LTB4R2: variants seen among roughly 807,000 people sequenced by gnomAD.
The protein encoded by LTB4R2 is LTB4 receptor JULF2.
Under a neutral mutation model 5.3 loss-of-function variants are expected in LTB4R2, and 6 were observed. The ratio of observed to expected loss-of-function variants is 1.14; its 90% CI spans 0.62 to 2.24. LTB4R2 has a LOEUF of 2.24. Ranked by LOEUF, LTB4R2 falls within the 30% of genes most tolerant of loss-of-function variation. The pLI is 0.00. For missense variants in LTB4R2, 560 were observed against 521.5 expected (o/e 1.07, Z -0.72); for synonymous variants, 310 against 264.2 (o/e 1.17, Z -1.68).
chr14:24,310,885 T>A lies in LTB4R2; in HGVS notation c.221T>A (p.Leu74His), dbSNP rs1227308602. 6.3e-7 allele frequency: 1 copy of A among 1,592,614 alleles called. No individual in the cohort carries two copies. Among genetic ancestry groups the A allele is most frequent in the Non-Finnish European group, 8.5e-7 (1 of 1,176,544 alleles). Residue 74 changes from leucine (L) to histidine (H), a missense_variant, in exon 2 of 2, where the codon CTC (leucine) becomes CAC (histidine). Leu to His is a moderately conservative substitution (Grantham distance 99). Coordinates refer to ENST00000533293, the MANE Select transcript of LTB4R2 (RefSeq NM_019839.5). ...LALADGAVLL[L>H]TPLFVAFLTR... ...CTGGCCGACGGCGCGGTGCTGCTGC[T>A]CACGCCGCTCTTTGTGGCCTTCCTG...
rs766951406 is a variant in LTB4R2, at chr14:24,311,466, G to A, written c.802G>A (p.Ala268Thr). The change falls in exon 2 of 2, where the codon GCG (alanine) becomes ACG (threonine). Residue 268 changes from alanine (A) to threonine (T), a missense_variant. Coordinates refer to ENST00000533293, the MANE Select transcript of LTB4R2 (RefSeq NM_019839.5). Reference protein sequence around the residue: ...ALAKLGGAGQAARAGTTALAF... With the variant: ...ALAKLGGAGQTARAGTTALAF... The stretch of plus-strand genomic sequence containing the variant: ...GGCGAAGCTGGGCGGAGCCGGCCAG[G>A]CGGCGCGAGCGGGAACTACGGCCTT... 2.2e-5 allele frequency: 35 copies of A among 1,601,118 alleles called. No homozygotes were observed. The Middle Eastern group carries it at 4.9e-4, about 23-fold the overall frequency.
Position 24,311,680 on chromosome 14 carries a change from G to GCCGCGGCAATGGAGAC in LTB4R2, c.1020_1035dup (p.Gly346ArgfsTer75). The GCCGCGGCAATGGAGAC allele has an allele frequency of 6.2e-7, 1 of 1,610,718 alleles. No individual in the cohort carries two copies. The highest frequency in any genetic ancestry group is 2.2e-5 in the East Asian group (1 of 44,814). ...CCTCAGCTGAAAGTGGTGGGGCAGG[G>GCCGCGGCAATGGAGAC]CCGCGGCAATGGAGACCCGGGGGGT... On this transcript the variant is annotated frameshift_variant, in exon 2 of 2. Transcript: ENST00000533293. LOFTEE classifies it high-confidence loss of function.
intron 1 of LTB4R2, 151 bp downstream of exon 1, chr14:24,310,406 C>T (rs2041651919): frequency 3.1e-6 from 2 of 640,072 alleles, no homozygotes; most frequent in Non-Finnish European, 5.6e-6. Context: ...TGCCTGTTTA[C>T]CACTGAGCTC....
rs1429914287 is a variant in LTB4R2 at position 24,311,696 on chromosome 14, C to T, written c.1032C>T (p.Asp344=). The part of the protein sequence containing the change: ...KVVGQGRGNG[D]PGGGMEKDGP... ...TGGGGCAGGGCCGCGGCAATGGAGA[C>T]CCGGGGGGTGGGATGGAGAAGGACG... The change falls in exon 2 of 2, where the codon GAC becomes GAT. Residue 344 remains aspartate, a synonymous_variant. Coordinates refer to ENST00000533293, the MANE Select transcript of LTB4R2 (RefSeq NM_019839.5). The T allele has an allele frequency of 6.2e-7, 1 of 1,606,652 alleles. No individual in the cohort carries two copies. Among genetic ancestry groups the T allele is most frequent in the Non-Finnish European group, 8.5e-7 (1 of 1,175,192 alleles).
Position 24,311,619 on chromosome 14 carries a change from C to T in LTB4R2, c.955C>T (p.Arg319Cys), listed in dbSNP as rs1328785575. The T allele has an allele frequency of 6.2e-7, 1 of 1,613,140 alleles. No homozygotes were observed. ...EGSGEARGGG[R>C]SREGTMELRT... ...CTCTGGGGAGGCCCGAGGGGGCGGC[C>T]GCTCTAGGGAAGGGACCATGGAGCT... The change falls in exon 2 of 2, where the codon CGC (arginine) becomes TGC (cysteine). Residue 319 changes from arginine (R) to cysteine (C), a missense_variant. Transcript: ENST00000533293.
chr14:24,311,788 C>G lies in LTB4R2; in HGVS notation c.*47C>G, dbSNP rs773417273. 2 of 1,464,828 alleles carry G rather than the reference C, an allele frequency of 1.4e-6. No individual in the cohort carries two copies. Among genetic ancestry groups the G allele is most frequent in the African/African-American group, 2.8e-5 (2 of 70,652 alleles). The allele number at this position is 1,464,828 out of a possible 1,614,324, so 90.7% of individuals were successfully genotyped here. ...GCCCTTCCCTGTCCCTTTCCACCCCCCACCCACCCTCCAGAGGTCAGTGTT... is the reference window on the plus strand; with the variant it reads ...GCCCTTCCCTGTCCCTTTCCACCCCGCACCCACCCTCCAGAGGTCAGTGTT... On this transcript the variant is annotated 3_prime_UTR_variant, in exon 2 of 2. Coordinates refer to ENST00000533293, the MANE Select transcript of LTB4R2 (RefSeq NM_019839.5).
At position 24,310,941 on chromosome 14, in the gene LTB4R2, G is replaced by T. The variant is rs761065714; in HGVS notation, c.277G>T (p.Gly93Cys). The T allele has an allele frequency of 6.3e-7, 1 of 1,591,550 alleles. No individual in the cohort carries two copies. The highest frequency in any genetic ancestry group is 1.7e-5 in the Admixed American group (1 of 58,730). Residue 93 changes from glycine to cysteine, a missense_variant, in exon 2 of 2, where the codon GGC becomes TGC. Transcript: ENST00000533293. ...GCAGGCCTGGCCGCTGGGCCAGGCGGGCTGCAAGGCGGTGTACTACGTGTG... is the reference window on the plus strand; with the variant it reads ...GCAGGCCTGGCCGCTGGGCCAGGCGTGCTGCAAGGCGGTGTACTACGTGTG... Reference protein sequence around the residue: ...TRQAWPLGQAGCKAVYYVCAL... With the variant: ...TRQAWPLGQACCKAVYYVCAL...
In LTB4R2 at chr14:24,310,895, C is replaced by T; in HGVS notation, c.231C>T (p.Leu77=). 6.3e-7 allele frequency: 1 copy of T among 1,593,132 alleles called. No individual in the cohort carries two copies. Among genetic ancestry groups the T allele is most frequent in the Non-Finnish European group, 8.5e-7 (1 of 1,176,906 alleles). The change falls in exon 2 of 2, where the codon CTC becomes CTT. Residue 77 remains leucine (L), a synonymous_variant. Transcript: ENST00000533293. ...ADGAVLLLTP[L]FVAFLTRQAW... ...GCGCGGTGCTGCTGCTCACGCCGCT[C>T]TTTGTGGCCTTCCTGACCCGGCAGG...
chr14:24,310,370 A>G, intron 1 of LTB4R2, 115 bp downstream of exon 1: 2 of 609,322 alleles, frequency 3.3e-6, no homozygotes, highest in Non-Finnish European at 5.8e-6. Flanking sequence ...TGGTAGAGAT[A>G]GTGACAGCCT....
At position 24,311,133 on chromosome 14, in the gene LTB4R2, G is replaced by T; in HGVS notation, c.469G>T (p.Ala157Ser). 1 of 1,586,890 alleles carries T rather than the reference G, an allele frequency of 6.3e-7. No individual in the cohort carries two copies. The change falls in exon 2 of 2, where the codon GCC (alanine) becomes TCC (serine). Residue 157 changes from alanine to serine, a missense_variant. Ala to Ser is a moderately conservative substitution (Grantham distance 99, BLOSUM62 1). Transcript: ENST00000533293. ...CGCCCTGTTGCTCGCCGTCCCGGCCGCCGTCTACCGCCACCTGTGGAGGGA... is the reference window on the plus strand; with the variant it reads ...CGCCCTGTTGCTCGCCGTCCCGGCCTCCGTCTACCGCCACCTGTGGAGGGA... ...LAALLLAVPAAVYRHLWRDRV... is the reference protein window; with the variant it reads ...LAALLLAVPASVYRHLWRDRV...
rs2041686681 is a variant in LTB4R2 at position 24,311,126 on chromosome 14, C to T, written c.462C>T (p.Val154=). The T allele has an allele frequency of 1.9e-6, 3 of 1,583,390 alleles. No homozygotes were observed. Among genetic ancestry groups the T allele is most frequent in the Non-Finnish European group, 1.7e-6 (2 of 1,170,482 alleles). Residue 154 remains valine (V), a synonymous_variant, in exon 2 of 2, where the codon GTC becomes GTT. Transcript: ENST00000533293. ...AVWLAALLLA[V]PAAVYRHLWR... ...GGCTGGCCGCCCTGTTGCTCGCCGT[C>T]CCGGCCGCCGTCTACCGCCACCTGT...
rs1350970373 is a variant in LTB4R2 at position 24,311,520 on chromosome 14, G to C, written c.856G>C (p.Val286Leu). 1 of 1,603,548 alleles carries C rather than the reference G, an allele frequency of 6.2e-7. No homozygotes were observed. The highest frequency in any genetic ancestry group is 8.5e-7 in the Non-Finnish European group (1 of 1,179,990). The change falls in exon 2 of 2, where the codon GTG (valine) becomes CTG (leucine). Residue 286 changes from valine to leucine, a missense_variant. By Grantham distance (32) the Val-to-Leu change is conservative. Transcript: ENST00000533293. ...LAFFSSSVNP[V>L]LYVFTAGDLL... ...CTTCTTCAGTTCTAGCGTCAACCCGGTGCTCTACGTCTTCACCGCTGGAGA... is the reference window on the plus strand; with the variant it reads ...CTTCTTCAGTTCTAGCGTCAACCCGCTGCTCTACGTCTTCACCGCTGGAGA...
Position 24,311,004 on chromosome 14 carries a change from C to G in LTB4R2, c.340C>G (p.Leu114Val). Residue 114 changes from leucine (L) to valine (V), a missense_variant, in exon 2 of 2, where the codon CTG becomes GTG. Leu to Val is a conservative substitution (Grantham distance 32). Coordinates refer to ENST00000533293, the MANE Select transcript of LTB4R2 (RefSeq NM_019839.5). Reference sequence around the variant, plus strand: ...GTACGCCAGCGTGCTGCTCACCGGCCTGCTCAGCCTGCAGCGCTGCCTCGC... The same window carrying G: ...GTACGCCAGCGTGCTGCTCACCGGCGTGCTCAGCCTGCAGCGCTGCCTCGC... ...SMYASVLLTG[L>V]LSLQRCLAVT... is the part of the protein sequence containing the mutation. 1 of 1,586,918 alleles carries G rather than the reference C, an allele frequency of 6.3e-7. No individual in the cohort carries two copies. The highest frequency in any genetic ancestry group is 2.3e-5 in the East Asian group (1 of 43,174).
rs746986608 is a variant in LTB4R2 at position 24,310,831 on chromosome 14, T to C, written c.167T>C (p.Leu56Pro). ...TGGCGGCCTGCACGGGGGCGACCGC[T>C]GGCGGCCACGCTTGTGCTGCACCTG... is the stretch of plus-strand genomic sequence containing the variant. ...AGWRPARGRP[L>P]AATLVLHLAL... The change falls in exon 2 of 2, where the codon CTG becomes CCG. Residue 56 changes from leucine (L) to proline (P), a missense_variant. Transcript: ENST00000533293. The C allele has an allele frequency of 2.8e-5, 45 of 1,595,992 alleles. 1 individual carries two copies. The African/African-American group carries it at 4.0e-4, about 14-fold the overall frequency.
At position 24,311,877 on chromosome 14, in the gene LTB4R2, ACTTGGGGCAGGCC is replaced by A. The variant is rs2041715775; in HGVS notation, c.*138_*150del. The A allele has an allele frequency of 2.5e-6, 2 of 812,496 alleles. No individual in the cohort carries two copies. Among genetic ancestry groups the A allele is most frequent in the African/African-American group, 3.5e-5 (2 of 57,472 alleles). The allele number at this position is 812,496 out of a possible 1,614,324, so 50.3% of individuals were successfully genotyped here. ...ATCTGGCTGGGTAGGATTACTATAC[ACTTGGGGCAGGCC>A]CAGGCTCCTCCAAACTGAGGGATTA... On this transcript the variant is annotated 3_prime_UTR_variant, in exon 2 of 2. Transcript: ENST00000533293.
chr14:24,310,365 G>A (rs1428123700), intron 1 of LTB4R2, 110 bp downstream of exon 1: 2 of 609,016 alleles, frequency 3.3e-6, no homozygotes, highest in East Asian at 5.5e-5. Flanking sequence ...AGTGGTGGTA[G>A]AGATAGTGAC....
chr14:24,310,686 C>T lies in LTB4R2; in HGVS notation c.22C>T (p.Pro8Ser). 6.2e-7 allele frequency: 1 copy of T among 1,613,976 alleles called. No homozygotes were observed. The highest frequency in any genetic ancestry group is 1.3e-5 in the African/African-American group (1 of 75,072). The change falls in exon 2 of 2, where the codon CCA becomes TCA. Residue 8 changes from proline (P) to serine (S), a missense_variant. By Grantham distance (74) the Pro-to-Ser change is moderately conservative. Transcript: ENST00000533293. MSVCYRP[P>S]GNETLLSWKT... ...AAGGATGTCGGTCTGCTACCGTCCC[C>T]CAGGGAACGAGACACTGCTGAGCTG...
Position 24,310,185 on chromosome 14 carries a change from T to C in LTB4R2, c.-81T>C, listed in dbSNP as rs2041643498. ...AAATGTGATAGGCACAGGACAGGAG[T>C]AGGCACCTCGCCTACTGCTGCTTAA... On this transcript the variant is annotated 5_prime_UTR_variant, in exon 1 of 2. Coordinates refer to ENST00000533293, the MANE Select transcript of LTB4R2 (RefSeq NM_019839.5). The C allele has an allele frequency of 8.6e-6, 3 of 349,370 alleles. No individual in the cohort carries two copies. Among genetic ancestry groups the C allele is most frequent in the Non-Finnish European group, 1.6e-5 (3 of 187,088 alleles). 21.6% of individuals were successfully genotyped at this position (349,370 alleles called of 1,614,324 possible). A position where few individuals can be genotyped will look rare whatever the true frequency, so the allele number is the denominator to read the frequency against.
rs751994310 is a variant in LTB4R2 at position 24,311,468 on chromosome 14, G to A, written c.804G>A (p.Ala268=). The A allele has an allele frequency of 1.8e-5, 29 of 1,601,112 alleles. No individual in the cohort carries two copies. Among genetic ancestry groups the A allele is most frequent in the South Asian group, 4.4e-5 (4 of 91,092 alleles). The change falls in exon 2 of 2, where the codon GCG becomes GCA. Residue 268 remains alanine (A), a synonymous_variant. Transcript: ENST00000533293. ...ALAKLGGAGQ[A]ARAGTTALAF... ...CGAAGCTGGGCGGAGCCGGCCAGGC[G>A]GCGCGAGCGGGAACTACGGCCTTGG...
Sources: gnomAD v4.1 joint callset for allele counts on GRCh38, gnomAD v4.1.1 for gene constraint, MANE v1.5 for transcripts, NCBI Gene and HGNC (gene_info 2026-07-23, HGNC 2026-07-21) for gene names.